The following BRD2 variants were observed in gnomAD, a reference collection of about 807,000 sequenced individuals.
BRD2 encodes bromodomain-containing protein 2.
Under a neutral mutation model 79.1 loss-of-function variants are expected in BRD2, and 15 were observed. The ratio of observed to expected loss-of-function variants is 0.19; its 90% CI spans 0.13 to 0.29. The LOEUF (loss-of-function observed/expected upper bound fraction) is 0.29, where lower values mean the gene tolerates loss of function less well. BRD2 is among the 10% of genes least tolerant of loss of function. The pLI is 1.00. For missense variants in BRD2, 1,053 were observed against 991.3 expected, an observed-to-expected ratio of 1.06 and a Z score of -0.84; for synonymous variants, 488 against 358.6, an observed-to-expected ratio of 1.36 and a Z score of -4.08.
At chr6:32,979,500 T>G (rs941896691) in intron 10 of BRD2, 23 of 336,048 alleles carry the variant, frequency 6.8e-5, no homozygotes, top group Non-Finnish European at 5.9e-5. Context: ...CTTTTTTTTT[T>G]AGTTGAAGAT....
intron 9 of BRD2, 43 bp downstream of exon 9, chr6:32,978,048 A>C: frequency 2.5e-6 from 4 of 1,601,580 alleles, no homozygotes; most frequent in Non-Finnish European, 3.4e-6. Context: ...TAAGAGGTTC[A>C]TGCCCTTTGT....
rs1029345963 is a variant in BRD2, at chr6:32,980,826, C to A, written c.*108C>A. The A allele has an allele frequency of 1.3e-5, 18 of 1,345,242 alleles. No individual in the cohort carries two copies. In the Admixed American group the frequency reaches 3.2e-4, roughly 24 times the overall value. The allele number at this position is 1,345,242 out of a possible 1,614,324, so 83.3% of individuals were successfully genotyped here. A position where few individuals can be genotyped will look rare whatever the true frequency, so the allele number is the denominator to read the frequency against. Reference sequence around the variant, plus strand: ...CTGTGACACTTCTTCATCTCACCCCCCCCCGCCCCCCTCTAGGAGAGCTGG... The same window carrying A: ...CTGTGACACTTCTTCATCTCACCCCACCCCGCCCCCCTCTAGGAGAGCTGG... On this transcript the variant is annotated 3_prime_UTR_variant, in exon 13 of 13. Transcript: ENST00000374825.
chr6:32,974,281 G>A (rs1045058745), intron 2 of BRD2, among the ~76,000 whole-genome samples, 181 bp from the exon 3 acceptor site: 2 of 152,188 alleles, frequency 1.3e-5, no homozygotes, highest in Admixed American at 1.3e-4. Flanking sequence ...TTAATAAAAG[G>A]AAGGCGGGGC....
chr6:32,974,112 A>G (rs1055257231), intron 2 of BRD2, among the ~76,000 whole-genome samples: 3 of 152,062 alleles, frequency 2.0e-5, no homozygotes, highest in Non-Finnish European at 2.9e-5. Flanking sequence ...TGAGTTTCTT[A>G]ACTCCACCCA....
intron 2 of BRD2, 97 bp downstream of exon 2, chr6:32,973,024 C>T (rs1182424488): frequency 3.1e-6 from 5 of 1,612,360 alleles, no homozygotes; most frequent in African/African-American, 1.3e-5. Context: ...GGCCCCGGCG[C>T]GCTGCTGTTG....
intron 2 of BRD2, among the ~76,000 whole-genome samples, chr6:32,974,193 GTTTT>G (rs1052584874): frequency 1.3e-5 from 2 of 152,074 alleles, no homozygotes; most frequent in Admixed American, 6.6e-5. Flanking sequence ...CAATTTGGGA[GTTTT>G]TTAAAATATG....
At chr6:32,973,016 C>T (rs760201056) in intron 2 of BRD2, 89 bp downstream of exon 2, 130 of 1,612,846 alleles carry the variant, frequency 8.1e-5, no homozygotes, top group Admixed American at 2.0e-4. Flanking sequence ...TACTGAGCGG[C>T]CCCGGCGCGC....
chr6:32,977,320 CAG>C, intron 7 of BRD2, 120 bp from the exon 8 acceptor site: 1 of 1,604,030 alleles, frequency 6.2e-7, no homozygotes, highest in South Asian at 1.1e-5. Context: ...CCCCAGGGCA[CAG>C]ATCCTTAAGG....
chr6:32,971,368 A>G (rs1178412916), intron 1 of BRD2, among the ~76,000 whole-genome samples: 2 of 152,138 alleles, frequency 1.3e-5, no homozygotes, highest in Non-Finnish European at 2.9e-5. Context: ...GACGTATTTT[A>G]GCTTTTGTGG....
chr6:32,975,316 C>T lies in BRD2; in HGVS notation c.334-68C>T, dbSNP rs550080054. ...TGTGTGTGTGTGTGTGTGTGAGAGT[C>T]GGGGATCGGTAGTCTCCCTATAAGC... On this transcript the variant is annotated intron_variant, in intron 3 of 12. Coordinates refer to ENST00000374825, the MANE Select transcript of BRD2 (RefSeq NM_005104.4). 7.4e-5 allele frequency: 93 copies of T among 1,256,810 alleles called. No individual in the cohort carries two copies. In the African/African-American group the frequency reaches 1.1e-3, roughly 15 times the overall value. The allele number at this position is 1,256,810 out of a possible 1,614,324, so 77.9% of individuals were successfully genotyped here.
In BRD2 at chr6:32,978,128, T is replaced by G. The variant is rs1336502913; in HGVS notation, c.1581T>G (p.Leu527=). 6.2e-7 allele frequency: 1 copy of G among 1,605,000 alleles called. No homozygotes were observed. The highest frequency in any genetic ancestry group is 1.1e-5 in the South Asian group (1 of 89,402). Residue 527 remains leucine, a splice_region_variant and synonymous_variant, in exon 10 of 13, where the codon CTT becomes CTG. Transcript: ENST00000374825. Reference sequence around the variant, plus strand: ...ACTTCATGTTTTTTTTCCTTTAGCTTCGGGCAGTACATGAACAACTGGCTG... The same window carrying G: ...ACTTCATGTTTTTTTTCCTTTAGCTGCGGGCAGTACATGAACAACTGGCTG... ...AHRLAELQEQ[L]RAVHEQLAAL... is the part of the protein sequence containing the mutation.
At chr6:32,975,936 TG>T in intron 4 of BRD2, 94 bp from the exon 5 acceptor site, 1 of 1,388,668 alleles carries the variant, frequency 7.2e-7, no homozygotes, top group Non-Finnish European at 9.7e-7. Flanking sequence ...GGTATGGTAA[TG>T]GCCTAGGGCC....
At chr6:32,980,298 G>A (rs1052258631) in intron 11 of BRD2, 44 bp from the exon 12 acceptor site, 1 of 1,608,358 alleles carries the variant, frequency 6.2e-7, no homozygotes, top group Admixed American at 1.7e-5. Flanking sequence ...ATAATAAGAT[G>A]CTTGGGGCAA....
At chr6:32,978,063 A>G (rs1448475639) in intron 9 of BRD2, 58 bp downstream of exon 9, 4 of 1,588,012 alleles carry the variant, frequency 2.5e-6, no homozygotes, top group Non-Finnish European at 3.4e-6. Context: ...CTTTGTCCTC[A>G]TTTTTTCTTC....
Position 32,978,331 on chromosome 6 carries a change from G to T in BRD2, c.1784G>T (p.Gly595Val). Residue 595 changes from glycine to valine, a missense_variant, in exon 10 of 13, where the codon GGT becomes GTT. Around this residue, in one of 5 missense-constraint regions of BRD2, gnomAD observed 454 missense variants for 430.5 expected, o/e 1.05. Transcript: ENST00000374825. ...KKSKKASGSGGGSAALGPSGF... is the reference protein window; with the variant it reads ...KKSKKASGSGVGSAALGPSGF... ...TCCAAGAAAGCAAGTGGCAGTGGGGGTGGCAGTGCTGCTTTAGGCCCTTCT... is the reference window on the plus strand; with the variant it reads ...TCCAAGAAAGCAAGTGGCAGTGGGGTTGGCAGTGCTGCTTTAGGCCCTTCT... The T allele has an allele frequency of 6.2e-7, 1 of 1,613,078 alleles. No homozygotes were observed. The highest frequency in any genetic ancestry group is 8.5e-7 in the Non-Finnish European group (1 of 1,180,030).
intron 7 of BRD2, 110 bp from the exon 8 acceptor site, chr6:32,977,332 G>A: frequency 1.0e-5 from 16 of 1,606,566 alleles, no homozygotes; most frequent in Admixed American, 1.7e-5. Context: ...GATCCTTAAG[G>A]TCATCCCCAC....
In BRD2 at chr6:32,972,209, CTGGAG is replaced by C. The variant is rs1778093050; in HGVS notation, c.-684_-680del. On this transcript the variant is annotated 5_prime_UTR_variant, in exon 2 of 13. It removes the in-frame stop codon of an upstream open reading frame in the 5' UTR. Transcript: ENST00000374825. ...CGGGGCTCGGCGGCGCCATTTCGTG[CTGGAG>C]TGGAGCAGCCTCTAGAACGAGCTGG... 1.9e-6 allele frequency: 1 copy of C among 536,208 alleles called. No homozygotes were observed. The highest frequency in any genetic ancestry group is 1.9e-5 in the African/African-American group (1 of 52,432). 33.2% of individuals were successfully genotyped at this position (536,208 alleles called of 1,614,324 possible).
rs1457288052 is a variant in BRD2 at position 32,977,827 on chromosome 6, C to T, written c.1400C>T (p.Thr467Ile). 2.5e-6 allele frequency: 4 copies of T among 1,613,142 alleles called. No homozygotes were observed. The South Asian group carries it at 4.4e-5, about 18-fold the overall frequency. The change falls in exon 9 of 13, where the codon ACT (threonine) becomes ATT (isoleucine). Residue 467 changes from threonine (T) to isoleucine (I), a missense_variant. Thr to Ile is a moderately conservative substitution (Grantham distance 89, BLOSUM62 -1). Around this residue, in one of 5 missense-constraint regions of BRD2, gnomAD observed 454 missense variants for 430.5 expected, o/e 1.05. Coordinates refer to ENST00000374825, the MANE Select transcript of BRD2 (RefSeq NM_005104.4). ...PLEPGPLPVS[T>I]AMPPGLAKSS... ...GAACCAGGGCCTTTACCAGTCTCTACTGCCATGCCCCCTGGCTTGGCCAAA... is the reference window on the plus strand; with the variant it reads ...GAACCAGGGCCTTTACCAGTCTCTATTGCCATGCCCCCTGGCTTGGCCAAA...
rs989100897 is a variant in BRD2 at position 32,972,065 on chromosome 6, A to T, written c.-834A>T. On this transcript the variant is annotated 5_prime_UTR_variant, in exon 2 of 13. Transcript: ENST00000374825. ...AGAGGTGTTCCTTCCCCTTCGACTC[A>T]GCTTCTTCACCCGCGTGAGCGAGCG... 5.7e-6 allele frequency: 4 copies of T among 699,052 alleles called. No homozygotes were observed. The highest frequency in any genetic ancestry group is 1.0e-5 in the Non-Finnish European group (4 of 383,484). The allele number at this position is 699,052 out of a possible 1,614,324, so 43.3% of individuals were successfully genotyped here.
Sources: gnomAD v4.1 joint callset for allele counts (sites outside exome capture counted in the v4.1 genomes callset) on GRCh38, gnomAD v4.1.1 for gene constraint, gnomAD v4.1.1 regional missense constraint, MANE v1.5 for transcripts, NCBI Gene and HGNC (gene_info 2026-07-23, HGNC 2026-07-21) for gene names.